Variants in GAD1 observed in about 807,000 individuals in gnomAD.
GAD1 encodes glutamate decarboxylase 1, also known as 67 kDa glutamic acid decarboxylase.
GAD1 carries 35 observed loss-of-function variants against 75.2 expected under a neutral mutation model. The ratio of observed to expected loss-of-function variants is 0.47; its 90% CI spans 0.36 to 0.62. The LOEUF (loss-of-function observed/expected upper bound fraction) is 0.62, where lower values mean the gene tolerates loss of function less well. Among genes scored for constraint, GAD1 ranks in the 20% least tolerant of loss-of-function variants. GAD1 has a pLI of 0.00. For missense variants in GAD1, 490 were observed against 758.5 expected, an observed-to-expected ratio of 0.65 and a Z score of 4.16; for synonymous variants, 257 against 271.9, an observed-to-expected ratio of 0.95 and a Z score of 0.54.
intron 2 of GAD1, among the ~76,000 whole-genome samples, chr2:170,819,345 G>A (rs1315579071): frequency 1.3e-5 from 2 of 152,054 alleles, no homozygotes; most frequent in African/African-American, 2.4e-5. Context: ...TGAGTGGCAA[G>A]AGATGGGGAA....
At position 170,822,986 on chromosome 2, in the gene GAD1, A is replaced by AT. The variant is rs1311494663; in HGVS notation, c.145+844dup. The stretch of plus-strand genomic sequence containing the variant: ...GAAATGAAAACGCCCAAAGGATGTA[A>AT]TTTTTTTAAAGGAAAAAGGGAGATT... On this transcript the variant is annotated intron_variant, in intron 3 of 16. Transcript: ENST00000358196. Among the ~76,000 whole-genome samples the AT allele has an allele frequency of 5.9e-5, 9 of 152,312 alleles. No homozygotes were observed. The East Asian group carries it at 9.6e-4, about 16-fold the overall frequency.
intron 16 of GAD1, 99 bp from the exon 17 acceptor site, chr2:170,859,610 A>C: frequency 8.4e-7 from 1 of 1,186,996 alleles, no homozygotes; most frequent in Non-Finnish European, 1.2e-6. Flanking sequence ...TTTTATGTCA[A>C]TGTAAACACA....
intron 3 of GAD1, among the ~76,000 whole-genome samples, chr2:170,827,169 A>G (rs1006734161): frequency 1.3e-5 from 2 of 152,000 alleles, no homozygotes; most frequent in African/African-American, 4.8e-5. Flanking sequence ...GATTCTAATC[A>G]CCGCAGCCCT....
intron 12 of GAD1, among the ~76,000 whole-genome samples, chr2:170,850,674 G>A (rs371655290): frequency 4.5e-4 from 69 of 152,310 alleles, no homozygotes; most frequent in Non-Finnish European, 5.9e-4. Flanking sequence ...CAGTGTCAAC[G>A]TGGGTGAGAC....
At position 170,853,888 on chromosome 2, in the gene GAD1, T is replaced by G. The variant is rs183828556; in HGVS notation, c.1279T>G (p.Cys427Gly). 6.2e-7 allele frequency: 1 copy of G among 1,614,140 alleles called. No homozygotes were observed. Among genetic ancestry groups the G allele is most frequent in the Admixed American group, 1.7e-5 (1 of 60,020 alleles). The part of the protein sequence containing the change: ...LVKEKGILQG[C>G]NQMCAGYLFQ... ...TCCATGATAGGGTATACTCCAAGGA[T>G]GCAACCAGATGTGTGCAGGATACCT... is the stretch of plus-strand genomic sequence containing the variant. The change falls in exon 14 of 17, where the codon TGC (cysteine) becomes GGC (glycine). Residue 427 changes from cysteine (C) to glycine (G), a missense_variant. Physicochemically the swap from Cys to Gly is radical, Grantham distance 159. Coordinates refer to ENST00000358196, the MANE Select transcript of GAD1 (RefSeq NM_000817.3). This position sits in a 1 kb window ranked among gnomAD's most constrained non-coding sequence, Gnocchi z 4.1.
Position 170,816,992 on chromosome 2 carries a change from G to A in GAD1, c.-120G>A. On this transcript the variant is annotated 5_prime_UTR_variant, in exon 1 of 17. Coordinates refer to ENST00000358196, the MANE Select transcript of GAD1 (RefSeq NM_000817.3). ...CTGTCAGGGCCGAGCCGAGCGGATC[G>A]CTGGGCGCTGTGCAGAGGAAAGGCG... The A allele has an allele frequency of 1.1e-5, 2 of 190,038 alleles. No homozygotes were observed. The highest frequency in any genetic ancestry group is 2.2e-5 in the Non-Finnish European group (2 of 91,940). The allele number at this position is 190,038 out of a possible 1,614,324, so 11.8% of individuals were successfully genotyped here.
In GAD1 at chr2:170,853,515, A is replaced by C; in HGVS notation, c.1264-358A>C. Reference sequence around the variant, plus strand: ...GCTTTTGGAGAGAAAAATTCTTCACAGCATGAAACTATCCCACCCACTGAG... The same window carrying C: ...GCTTTTGGAGAGAAAAATTCTTCACCGCATGAAACTATCCCACCCACTGAG... On this transcript the variant is annotated intron_variant, in intron 13 of 16. Coordinates refer to ENST00000358196, the MANE Select transcript of GAD1 (RefSeq NM_000817.3). The surrounding 1 kb of genome is among the most constrained non-coding windows in gnomAD (Gnocchi z 4.1). The C allele has an allele frequency of 3.5e-6, 1 of 283,856 alleles. No homozygotes were observed. Among genetic ancestry groups the C allele is most frequent in the Middle Eastern group, 1.2e-3 (1 of 804 alleles). 17.6% of individuals were successfully genotyped at this position (283,856 alleles called of 1,614,324 possible).
chr2:170,843,118 T>C (rs1363123908), intron 6 of GAD1, among the ~76,000 whole-genome samples: 1 of 152,206 alleles, frequency 6.6e-6, no homozygotes, highest in African/African-American at 2.4e-5. Context: ...GCTTAGTAAA[T>C]ATCTTTTTGT....
At chr2:170,826,370 C>G (rs1228088081) in intron 3 of GAD1, among the ~76,000 whole-genome samples, 1 of 151,892 alleles carries the variant, frequency 6.6e-6, no homozygotes, top group Non-Finnish European at 1.5e-5. Flanking sequence ...AGTTTGAGAC[C>G]AGCCTGACCA....
chr2:170,829,562 C>T lies in GAD1; in HGVS notation c.233C>T (p.Ser78Phe), dbSNP rs1171125027. ...KERQSSKNLLSCENSDRDARF... is the reference protein window; with the variant it reads ...KERQSSKNLLFCENSDRDARF... ...AGGCAATCCTCCAAGAACCTGCTTT[C>T]CTGTGAAAACAGCGACCGGGATGCC... The change falls in exon 4 of 17, where the codon TCC becomes TTC. Residue 78 changes from serine (S) to phenylalanine (F), a missense_variant. This residue lies in a region of GAD1 where 165 missense variants were observed against 216.4 expected (regional missense o/e 0.76). Coordinates refer to ENST00000358196, the MANE Select transcript of GAD1 (RefSeq NM_000817.3). 2 of 1,613,944 alleles carry T rather than the reference C, an allele frequency of 1.2e-6. No homozygotes were observed. The highest frequency in any genetic ancestry group is 8.5e-7 in the Non-Finnish European group (1 of 1,180,044).
intron 6 of GAD1, among the ~76,000 whole-genome samples, chr2:170,838,013 C>T (rs1386653088): frequency 1.3e-5 from 2 of 152,194 alleles, no homozygotes; most frequent in Non-Finnish European, 2.9e-5. Context: ...CTGTTTAATG[C>T]TGTGACTCAG....
chr2:170,823,567 G>A (rs1291114370), intron 3 of GAD1, among the ~76,000 whole-genome samples: 1 of 152,124 alleles, frequency 6.6e-6, no homozygotes, highest in Non-Finnish European at 1.5e-5. Flanking sequence ...ACGCCCGTGG[G>A]GCAAGGCCAG....
intron 11 of GAD1, chr2:170,849,049 C>A: frequency 1.7e-6 from 1 of 584,914 alleles, no homozygotes; most frequent in Non-Finnish European, 3.1e-6. Context: ...CAGGCTCAGA[C>A]CTGGCCTAGC....
chr2:170,855,872 C>CAAAAAAAAA (rs71008727), intron 14 of GAD1, among the ~76,000 whole-genome samples: 5 of 111,666 alleles, frequency 4.5e-5, no homozygotes, highest in Non-Finnish European at 5.1e-5. Flanking sequence ...GACTCCATCT[C>CAAAAAAAAA]AAAAAAAAAA....
intron 14 of GAD1, among the ~76,000 whole-genome samples, chr2:170,855,290 C>A (rs1702827507): frequency 6.6e-6 from 1 of 150,688 alleles, no homozygotes; most frequent in South Asian, 2.1e-4. Context: ...CTCCCTGCAA[C>A]CTCCGTCTCC....
In GAD1 at chr2:170,829,593, C is replaced by G. The variant is rs1702169341; in HGVS notation, c.264C>G (p.Phe88Leu). The change falls in exon 4 of 17, where the codon TTC becomes TTG. Residue 88 changes from phenylalanine (F) to leucine (L), a missense_variant. Around this residue, in one of 3 missense-constraint regions of GAD1, gnomAD observed 165 missense variants for 216.4 expected, o/e 0.76. Transcript: ENST00000358196. ...SCENSDRDAR[F>L]RRTETDFSNL... The stretch of plus-strand genomic sequence containing the variant: ...AAAACAGCGACCGGGATGCCCGCTT[C>G]CGGCGCACAGAGACTGACTTCTCTA... 6.2e-6 allele frequency: 10 copies of G among 1,613,782 alleles called. No homozygotes were observed. The highest frequency in any genetic ancestry group is 7.6e-6 in the Non-Finnish European group (9 of 1,180,044).
At chr2:170,829,006 T>C in intron 3 of GAD1, 1 of 278,516 alleles carries the variant, frequency 3.6e-6, no homozygotes, top group Non-Finnish European at 6.9e-6. Context: ...CCTCTCCTCC[T>C]CCCTCTGCTG....
chr2:170,841,791 A>G (rs1041631467), intron 6 of GAD1, among the ~76,000 whole-genome samples: 2 of 152,128 alleles, frequency 1.3e-5, no homozygotes, highest in Non-Finnish European at 2.9e-5. Flanking sequence ...ATAAGTCAGG[A>G]AAAGAGTGGA....
At chr2:170,829,178 A>G (rs1191925893) in intron 3 of GAD1, 7 of 442,312 alleles carry the variant, frequency 1.6e-5, no homozygotes, top group African/African-American at 1.2e-4. Flanking sequence ...ACTGGAGTGG[A>G]AGCTGTCCAA....
Sources: gnomAD v4.1 joint callset for allele counts (sites outside exome capture counted in the v4.1 genomes callset) on GRCh38, gnomAD v4.1.1 for gene constraint, gnomAD v4.1.1 regional missense constraint, Gnocchi (gnomAD v3.1) non-coding constraint, MANE v1.5 for transcripts, NCBI Gene and HGNC (gene_info 2026-07-23, HGNC 2026-07-21) for gene names.